The following AUTS2 variants were observed in gnomAD, a reference collection of about 807,000 sequenced individuals.
AUTS2 encodes activator of transcription and developmental regulator AUTS2, also known as autism susceptibility gene 2 protein.
AUTS2 carries 17 observed loss-of-function variants against 112.4 expected under a neutral mutation model. The observed-to-expected ratio is 0.15, with a 90% CI of 0.10 to 0.23. The LOEUF (loss-of-function observed/expected upper bound fraction) is 0.23, where lower values mean the gene tolerates loss of function less well. Ranked by LOEUF, AUTS2 falls within the 10% of genes least tolerant of loss-of-function variation. AUTS2 has a pLI of 1.00. For synonymous variants in AUTS2, 751 were observed against 702.7 expected (o/e 1.07, Z -1.09); for missense variants, 1,510 against 1,701.6 (o/e 0.89, Z 1.98).
chr7:70,142,507 A>G (rs985272103), intron 4 of AUTS2, among the ~76,000 whole-genome samples: 8 of 152,188 alleles, frequency 5.3e-5, no homozygotes, highest in African/African-American at 1.9e-4. Context: ...AGGAGTCCTG[A>G]TTTCAACGGA....
At chr7:69,870,423 T>C (rs757588074) in intron 1 of AUTS2, among the ~76,000 whole-genome samples, 1 of 101,724 alleles carries the variant, frequency 9.8e-6, no homozygotes, top group Non-Finnish European at 2.2e-5. Context: ...GTCATATATA[T>C]ACATATCTGT....
intron 2 of AUTS2, among the ~76,000 whole-genome samples, chr7:70,111,175 A>G (rs1350251189): frequency 6.6e-6 from 1 of 152,064 alleles, no homozygotes; most frequent in Admixed American, 6.6e-5. Context: ...CACCGCGCCC[A>G]GCCCTAACTT....
intron 4 of AUTS2, among the ~76,000 whole-genome samples, chr7:70,191,365 G>A (rs906211830): frequency 2.0e-5 from 3 of 151,758 alleles, no homozygotes; most frequent in Non-Finnish European, 4.4e-5. Context: ...TAGAGACGGG[G>A]TTTAACCATA....
chr7:70,365,866 C>T (rs977895609), intron 4 of AUTS2, among the ~76,000 whole-genome samples: 95 of 152,172 alleles, frequency 6.2e-4, no homozygotes, highest in African/African-American at 2.2e-3. Flanking sequence ...CCAGGGCAAC[C>T]TGGAAAGGAG....
intron 5 of AUTS2, among the ~76,000 whole-genome samples, chr7:70,642,789 G>T (rs1473123751): frequency 7.6e-5 from 3 of 39,378 alleles, no homozygotes. Flanking sequence ...ACATAAACAT[G>T]CGTGTCAACT....
chr7:69,634,046 A>G (rs1794401180), intron 1 of AUTS2, among the ~76,000 whole-genome samples: 1 of 151,966 alleles, frequency 6.6e-6, no homozygotes, highest in African/African-American at 2.4e-5. Flanking sequence ...TTTCCCCTGT[A>G]TTCTCTTCTA....
At chr7:70,565,902 T>C (rs1028553510) in intron 5 of AUTS2, among the ~76,000 whole-genome samples, 2 of 152,194 alleles carry the variant, frequency 1.3e-5, no homozygotes, top group Non-Finnish European at 2.9e-5. Flanking sequence ...GGTAGCTTGA[T>C]ACATACTGTA....
intron 4 of AUTS2, among the ~76,000 whole-genome samples, chr7:70,155,094 C>A (rs1807670835): frequency 6.6e-6 from 1 of 151,996 alleles, no homozygotes; most frequent in Non-Finnish European, 1.5e-5. Flanking sequence ...TAACATTTGC[C>A]CAGGAATATT....
chr7:70,401,182 G>A (rs1003308197), intron 4 of AUTS2, among the ~76,000 whole-genome samples: 1 of 151,932 alleles, frequency 6.6e-6, no homozygotes, highest in African/African-American at 2.4e-5. Context: ...ATGGCATGAA[G>A]GGAGAGGTAA....
intron 2 of AUTS2, among the ~76,000 whole-genome samples, chr7:70,016,825 G>A (rs1800051490): frequency 6.6e-6 from 1 of 152,004 alleles, no homozygotes; most frequent in African/African-American, 2.4e-5. Flanking sequence ...GTGCCACCAC[G>A]CCTGGCTAAT....
At chr7:69,915,950 C>G (rs780007188) in intron 2 of AUTS2, among the ~76,000 whole-genome samples, 22 of 152,172 alleles carry the variant, frequency 1.4e-4, no homozygotes, top group Admixed American at 3.9e-4. Flanking sequence ...AGCTCTTGAG[C>G]TCAAGCAATT....
intron 5 of AUTS2, among the ~76,000 whole-genome samples, chr7:70,467,187 A>AT (rs1409364739): frequency 2.8e-4 from 42 of 152,386 alleles, no homozygotes; most frequent in African/African-American, 8.7e-4. Flanking sequence ...TGCACAAGGC[A>AT]TAAAAAGGGT....
At chr7:69,919,629 C>A (rs1193314252) in intron 2 of AUTS2, among the ~76,000 whole-genome samples, 1 of 152,196 alleles carries the variant, frequency 6.6e-6, no homozygotes, top group African/African-American at 2.4e-5. Flanking sequence ...GCTGCTGGCA[C>A]TTTGTCCTTA....
chr7:69,963,922 T>A lies in AUTS2; in HGVS notation c.522+64424T>A, dbSNP rs189311071. On this transcript the variant is annotated intron_variant, in intron 2 of 18. Transcript: ENST00000342771. ...ACTGGTTCATTTCCTTTTCCTTTTT[T>A]AAGATGCTTTAAAAAGAACAAAAAC... Among the ~76,000 whole-genome samples, 4 of 152,238 alleles carry A rather than the reference T, an allele frequency of 2.6e-5. No homozygotes were observed. In the East Asian group the frequency reaches 5.8e-4, roughly 22 times the overall value.
chr7:69,602,018 G>GTATATATA (rs765066810), intron 1 of AUTS2, among the ~76,000 whole-genome samples: 116 of 22,560 alleles, frequency 5.1e-3, no homozygotes, highest in Middle Eastern at 0.017. Context: ...ATATGTGTGT[G>GTATATATA]TGTATATATA....
At chr7:70,188,410 G>C (rs1809714405) in intron 4 of AUTS2, among the ~76,000 whole-genome samples, 1 of 152,172 alleles carries the variant, frequency 6.6e-6, no homozygotes, top group Admixed American at 6.6e-5. Context: ...CTAAAAGTGA[G>C]TGAGATTTTC....
intron 15 of AUTS2, chr7:70,784,674 ATACC>A: frequency 6.1e-6 from 3 of 494,742 alleles, no homozygotes; most frequent in Non-Finnish European, 7.2e-6. Context: ...TAAAAAAGAA[ATACC>A]TGTTTTTGGT....
intron 1 of AUTS2, among the ~76,000 whole-genome samples, chr7:69,716,244 CTGTGTG>C (rs146299119): frequency 1.3e-5 from 2 of 149,466 alleles, no homozygotes; most frequent in Non-Finnish European, 3.0e-5. Context: ...GTGTGTGTGT[CTGTGTG>C]TGTGTGTGTG....
chr7:70,625,605 G>A (rs1804897165), intron 5 of AUTS2, among the ~76,000 whole-genome samples: 3 of 152,170 alleles, frequency 2.0e-5, no homozygotes, highest in Admixed American at 6.5e-5. Context: ...TCTGGTAACC[G>A]CTTGTACCAA....
Sources: allele counts gnomAD v4.1 joint callset (sites outside exome capture counted in the v4.1 genomes callset), GRCh38; gene constraint gnomAD v4.1.1; transcripts MANE v1.5; gene names NCBI Gene and HGNC (gene_info 2026-07-23, HGNC 2026-07-21).